Variants in TBCEL observed in about 807,000 individuals in gnomAD.
TBCEL encodes tubulin-specific chaperone cofactor E-like protein.
TBCEL carries 15 observed loss-of-function variants against 44.2 expected under a neutral mutation model. The observed-to-expected ratio is 0.34, with a 90% CI of 0.23 to 0.52. TBCEL has a LOEUF of 0.52. TBCEL is among the 20% of genes least tolerant of loss of function. The pLI is 0.95. For missense variants in TBCEL, 319 were observed against 506.3 expected (o/e 0.63, Z 3.55); for synonymous variants, 171 against 185.4 (o/e 0.92, Z 0.63).
chr11:121,024,658 T>G (rs1945013810), intron 1 of TBCEL, among the ~76,000 whole-genome samples: 1 of 152,032 alleles, frequency 6.6e-6, no homozygotes, highest in Admixed American at 6.6e-5. Flanking sequence ...GGTAGATGCC[T>G]CCCAGCTGTT....
At position 121,059,852 on chromosome 11, in the gene TBCEL, T is replaced by G. The variant is rs1036623423; in HGVS notation, c.840-117T>G. ...GTCAGTAGTTGTATACAAATGGAAC[T>G]ACATCAAATGTGTCCTTTCAAGAAA... On this transcript the variant is annotated intron_variant, in intron 7 of 8. Transcript: ENST00000683345. 5.6e-6 allele frequency: 4 copies of G among 708,992 alleles called. No homozygotes were observed. In the East Asian group the frequency reaches 1.1e-4, roughly 20 times the overall value. The allele number at this position is 708,992 out of a possible 1,614,324, so 43.9% of individuals were successfully genotyped here.
intron 8 of TBCEL, among the ~76,000 whole-genome samples, chr11:121,065,628 A>G (rs1281708280): frequency 1.3e-5 from 2 of 152,230 alleles, no homozygotes; most frequent in African/African-American, 2.4e-5. Flanking sequence ...CCTGCATTTC[A>G]GTCTGTGCCT....
intron 6 of TBCEL, among the ~76,000 whole-genome samples, chr11:121,056,853 A>G (rs890742064): frequency 4.0e-5 from 6 of 151,712 alleles, no homozygotes; most frequent in African/African-American, 1.5e-4. Flanking sequence ...TTAAGTTTTA[A>G]GGGTTCTTTG....
At chr11:121,038,561 C>A (rs189876170) in intron 2 of TBCEL, among the ~76,000 whole-genome samples, 1 of 151,190 alleles carries the variant, frequency 6.6e-6, no homozygotes, top group Non-Finnish European at 1.5e-5. Flanking sequence ...GAAGAGTTCA[C>A]AAAGTGAAAA....
chr11:121,067,094 T>C (rs1282359851), intron 8 of TBCEL, among the ~76,000 whole-genome samples: 2 of 152,174 alleles, frequency 1.3e-5, no homozygotes, highest in Non-Finnish European at 2.9e-5. Context: ...AACTTTAACA[T>C]AAAGTAAGAA....
chr11:121,060,197 T>C (rs1945695157), intron 8 of TBCEL, 112 bp downstream of exon 8: 1 of 693,540 alleles, frequency 1.4e-6, no homozygotes, highest in Non-Finnish European at 2.5e-6. Context: ...TAGAGAACTT[T>C]GTTAATACGT....
At chr11:121,057,089 A>G (rs909798918) in intron 6 of TBCEL, among the ~76,000 whole-genome samples, 1 of 151,840 alleles carries the variant, frequency 6.6e-6, no homozygotes, top group African/African-American at 2.4e-5. Context: ...AGTGTTTTGC[A>G]TAAGGAAGCT....
At chr11:121,061,242 A>T (rs1018004894) in intron 8 of TBCEL, among the ~76,000 whole-genome samples, 2 of 151,998 alleles carry the variant, frequency 1.3e-5, no homozygotes, top group Non-Finnish European at 2.9e-5. Flanking sequence ...TATAGTATCT[A>T]TGGTTTCATT....
At chr11:121,039,122 C>A (rs1213541687) in intron 2 of TBCEL, among the ~76,000 whole-genome samples, 1 of 152,226 alleles carries the variant, frequency 6.6e-6, no homozygotes, top group Admixed American at 6.5e-5. Context: ...TTACTGACCG[C>A]TGTCACCTCC....
At position 121,045,800 on chromosome 11, in the gene TBCEL, C is replaced by A. The variant is rs1461438871; in HGVS notation, c.110C>A (p.Thr37Lys). The A allele has an allele frequency of 1.9e-5, 31 of 1,603,824 alleles. No homozygotes were observed. Among genetic ancestry groups the A allele is most frequent in the Non-Finnish European group, 2.5e-5 (30 of 1,176,928 alleles). ...GGGATGGGAGTCCATGTCCCAGCCA[C>A]ACCTCAGGGCTCTCCTATGAAAGGT... ...GPGMGVHVPA[T>K]PQGSPMKDRL... The change falls in exon 3 of 9, where the codon ACA becomes AAA. Residue 37 changes from threonine (T) to lysine (K), a missense_variant. Coordinates refer to ENST00000683345, the MANE Select transcript of TBCEL (RefSeq NM_001363644.2).
At chr11:121,050,759 C>T (rs1216460651) in intron 4 of TBCEL, among the ~76,000 whole-genome samples, 1 of 151,662 alleles carries the variant, frequency 6.6e-6, no homozygotes, top group African/African-American at 2.4e-5. Flanking sequence ...TTTCTTAAAT[C>T]TTCAGTTTCT....
chr11:121,031,561 G>A (rs1945143571), intron 1 of TBCEL, among the ~76,000 whole-genome samples: 1 of 150,754 alleles, frequency 6.6e-6, no homozygotes, highest in Non-Finnish European at 1.5e-5. Context: ...AGAGTTCTCT[G>A]TATTAGTTAC....
rs1301403335 is a variant in TBCEL, at chr11:121,055,174, G to A, written c.578G>A (p.Arg193Gln). The part of the protein sequence containing the change: ...DNNLQDWTEI[R>Q]KLGVMFPSLD... Reference sequence around the variant, plus strand: ...AACCTCCAAGACTGGACTGAAATACGAAAGTTAGGAGTTATGTTTCCTTCA... The same window carrying A: ...AACCTCCAAGACTGGACTGAAATACAAAAGTTAGGAGTTATGTTTCCTTCA... Residue 193 changes from arginine (R) to glutamine (Q), a missense_variant, in exon 6 of 9, where the codon CGA (arginine) becomes CAA (glutamine). Physicochemically the swap from Arg to Gln is conservative, Grantham distance 43. Coordinates refer to ENST00000683345, the MANE Select transcript of TBCEL (RefSeq NM_001363644.2). 6.2e-7 allele frequency: 1 copy of A among 1,611,988 alleles called. No individual in the cohort carries two copies. The highest frequency in any genetic ancestry group is 1.3e-5 in the African/African-American group (1 of 74,686).
At chr11:121,038,811 C>T (rs1226413479) in intron 2 of TBCEL, among the ~76,000 whole-genome samples, 1 of 152,094 alleles carries the variant, frequency 6.6e-6, no homozygotes, top group African/African-American at 2.4e-5. Context: ...ACTGTCCCAC[C>T]TCGTCCACTT....
chr11:121,053,758 G>A (rs770966347), intron 5 of TBCEL, 26 bp downstream of exon 5: 2 of 1,608,150 alleles, frequency 1.2e-6, no homozygotes, highest in South Asian at 1.1e-5. Context: ...ATGAGGGCGA[G>A]GGAGTTATGT....
chr11:121,075,764 A>G (rs1946021988), intron 8 of TBCEL, among the ~76,000 whole-genome samples: 1 of 151,970 alleles, frequency 6.6e-6, no homozygotes, highest in Non-Finnish European at 1.5e-5. Flanking sequence ...TGAGAAATGC[A>G]TCATTAGGCG....
At chr11:121,062,648 GTAC>G (rs1191868779) in intron 8 of TBCEL, among the ~76,000 whole-genome samples, 5 of 152,106 alleles carry the variant, frequency 3.3e-5, no homozygotes, top group Non-Finnish European at 7.4e-5. Flanking sequence ...TTATACTTCT[GTAC>G]TAGTTGGTGT....
In TBCEL at chr11:121,080,665, G is replaced by A. The variant is rs7122935; in HGVS notation, c.957-6113G>A. Among the ~76,000 whole-genome samples, 293 of 152,264 alleles carry A rather than the reference G, an allele frequency of 1.9e-3. 2 individuals carry two copies. The highest frequency in any genetic ancestry group is 6.7e-3 in the African/African-American group (278 of 41,556). On this transcript the variant is annotated intron_variant, in intron 8 of 8. Transcript: ENST00000683345. ...GAGAAAAAATTAATGTTTGTTTTAG[G>A]TTTTATAATAAATAGAAACACAGAC...
chr11:121,045,480 G>T (rs1449800503), intron 2 of TBCEL, among the ~76,000 whole-genome samples, 194 bp from the exon 3 acceptor site: 1 of 152,014 alleles, frequency 6.6e-6, no homozygotes, highest in Non-Finnish European at 1.5e-5. Context: ...AACTGTTATT[G>T]CTGTCATTTG....
Sources: gnomAD v4.1 joint callset for allele counts (sites outside exome capture counted in the v4.1 genomes callset) on GRCh38, gnomAD v4.1.1 for gene constraint, MANE v1.5 for transcripts, NCBI Gene and HGNC (gene_info 2026-07-23, HGNC 2026-07-21) for gene names.